AHI1: variants seen among roughly 807,000 people sequenced by gnomAD.
AHI1 encodes jouberin.
AHI1 carries 123 observed loss-of-function variants against 149.3 expected under a neutral mutation model. That is an observed-to-expected ratio of 0.82 (90% CI 0.71 to 0.96). AHI1 has a LOEUF of 0.96. AHI1 is among the 40% of genes least tolerant of loss of function. AHI1 has a pLI of 0.00. For missense variants in AHI1, 1,439 were observed against 1,422.7 expected (o/e 1.01, Z -0.18); for synonymous variants, 475 against 459.8 (o/e 1.03, Z -0.42).
At chr6:135,428,031 C>A (rs1784146178) in intron 19 of AHI1, among the ~76,000 whole-genome samples, 1 of 151,266 alleles carries the variant, frequency 6.6e-6, no homozygotes, top group Non-Finnish European at 1.5e-5. Flanking sequence ...AAATACTGTT[C>A]ATTAAAGAAA....
At chr6:135,460,325 T>C (rs536266509) in intron 8 of AHI1, among the ~76,000 whole-genome samples, 5 of 152,204 alleles carry the variant, frequency 3.3e-5, no homozygotes, top group Non-Finnish European at 7.3e-5. Context: ...CCATTTATAA[T>C]ATCATTAAGA....
In AHI1 at chr6:135,467,645, A is replaced by G; in HGVS notation, c.136-11T>C. The G allele has an allele frequency of 6.3e-7, 1 of 1,591,224 alleles. No homozygotes were observed. Among genetic ancestry groups the G allele is most frequent in the Non-Finnish European group, 8.6e-7 (1 of 1,163,758 alleles). On this transcript the variant is annotated splice_polypyrimidine_tract_variant and intron_variant, in intron 5 of 28. Coordinates refer to ENST00000265602, the MANE Select transcript of AHI1 (RefSeq NM_001134831.2). ...TCTAATAGTGTCAGGCTAAAAAGGA[A>G]GACATAATAAAGTTTCAGCTAAGCG...
intron 24 of AHI1, among the ~76,000 whole-genome samples, chr6:135,349,829 T>A (rs1791803557): frequency 6.6e-6 from 1 of 152,172 alleles, no homozygotes; most frequent in East Asian, 1.9e-4. Context: ...TCAACTTTTG[T>A]CATTCTAGCA....
intron 15 of AHI1, among the ~76,000 whole-genome samples, chr6:135,433,937 C>G (rs1004217460): frequency 6.6e-6 from 1 of 151,972 alleles, no homozygotes; most frequent in East Asian, 1.9e-4. Flanking sequence ...ATTATCACTG[C>G]TACAGTCTTG....
chr6:135,288,520 A>T (rs1781955038), intron 28 of AHI1, among the ~76,000 whole-genome samples: 1 of 152,072 alleles, frequency 6.6e-6, no homozygotes, highest in African/African-American at 2.4e-5. Flanking sequence ...GAAGAAAAAA[A>T]TTACCATAAT....
chr6:135,344,546 T>G (rs983576210), intron 24 of AHI1, among the ~76,000 whole-genome samples: 1 of 152,026 alleles, frequency 6.6e-6, no homozygotes, highest in African/African-American at 2.4e-5. Flanking sequence ...AATGATGTTT[T>G]CTGCAGAATG....
intron 26 of AHI1, among the ~76,000 whole-genome samples, chr6:135,309,606 C>T (rs1784919963): frequency 2.0e-5 from 3 of 151,852 alleles, no homozygotes; most frequent in Admixed American, 6.6e-5. Flanking sequence ...CCTCAGCCTC[C>T]GAGTAGCTGG....
chr6:135,393,898 G>T (rs1374015818), intron 23 of AHI1, among the ~76,000 whole-genome samples: 2 of 152,010 alleles, frequency 1.3e-5, no homozygotes, highest in East Asian at 1.9e-4. Context: ...AGCCAGGGTT[G>T]AGCATAAGAG....
At chr6:135,310,841 T>A (rs1299880589) in intron 26 of AHI1, among the ~76,000 whole-genome samples, 1 of 152,102 alleles carries the variant, frequency 6.6e-6, no homozygotes, top group Non-Finnish European at 1.5e-5. Flanking sequence ...GTTGAAACAC[T>A]AATAGAAGGT....
chr6:135,367,482 G>A (rs1326378364), intron 23 of AHI1, among the ~76,000 whole-genome samples: 1 of 151,822 alleles, frequency 6.6e-6, no homozygotes, highest in Non-Finnish European at 1.5e-5. Context: ...TCTTCTTCCA[G>A]GAACACCAAT....
At chr6:135,317,676 C>T (rs1280597544) in intron 26 of AHI1, among the ~76,000 whole-genome samples, 1 of 152,150 alleles carries the variant, frequency 6.6e-6, no homozygotes, top group Non-Finnish European at 1.5e-5. Flanking sequence ...ACTCCTGAAA[C>T]TCCTGTTTCA....
chr6:135,477,231 G>A lies in AHI1; in HGVS notation c.136-9597C>T, dbSNP rs572038836. 5.9e-5 allele frequency among the ~76,000 whole-genome samples: 9 copies of A among 151,878 alleles called. No individual in the cohort carries two copies. In the East Asian group the frequency reaches 1.4e-3, roughly 23 times the overall value. On this transcript the variant is annotated intron_variant, in intron 5 of 28. Transcript: ENST00000265602. ...AATTTTTTGTATTTTTAGTAGAGAC[G>A]GGGTTTCACTGTGTTAGCCAGGATG...
intron 5 of AHI1, among the ~76,000 whole-genome samples, chr6:135,481,947 T>G (rs1793719462): frequency 6.6e-6 from 1 of 151,884 alleles, no homozygotes; most frequent in Admixed American, 6.5e-5. Flanking sequence ...ATGAGAAGTC[T>G]GCTGTCATTA....
chr6:135,430,383 T>G (rs1199557302), intron 17 of AHI1, among the ~76,000 whole-genome samples: 2 of 151,940 alleles, frequency 1.3e-5, no homozygotes, highest in Admixed American at 1.3e-4. Context: ...GAAATAATTT[T>G]CAAGTTTCTA....
chr6:135,314,358 C>T (rs1276233415), intron 26 of AHI1, among the ~76,000 whole-genome samples: 1 of 152,164 alleles, frequency 6.6e-6, no homozygotes, highest in East Asian at 1.9e-4. Flanking sequence ...TTCACCAGAC[C>T]CTGGATCTGC....
chr6:135,475,834 G>A (rs1446169260), intron 5 of AHI1, among the ~76,000 whole-genome samples: 9 of 152,140 alleles, frequency 5.9e-5, no homozygotes, highest in Non-Finnish European at 1.2e-4. Flanking sequence ...GGGTATAACA[G>A]CTTTTGAGTC....
At chr6:135,448,877 T>C (rs1379017698) in intron 11 of AHI1, among the ~76,000 whole-genome samples, 3 of 152,220 alleles carry the variant, frequency 2.0e-5, no homozygotes, top group African/African-American at 7.2e-5. Context: ...GTATTTTTAA[T>C]GGTTAAAATT....
Position 135,434,705 on chromosome 6 carries a change from G to GA in AHI1, c.2037-1450dup, listed in dbSNP as rs551134905. Among the ~76,000 whole-genome samples the GA allele has an allele frequency of 1.5e-4, 23 of 151,656 alleles. No homozygotes were observed. The South Asian group carries it at 3.5e-3, about 23-fold the overall frequency. ...AAATAAATATATAAATGGGTTTGGGGAAAAAAAATCAGACCAGATCATAGA... is the reference window on the plus strand; with the variant it reads ...AAATAAATATATAAATGGGTTTGGGGAAAAAAAAATCAGACCAGATCATAGA... On this transcript the variant is annotated intron_variant, in intron 15 of 28. Coordinates refer to ENST00000265602, the MANE Select transcript of AHI1 (RefSeq NM_001134831.2).
In AHI1 at chr6:135,365,655, T is replaced by C. The variant is rs149359462; in HGVS notation, c.3110-7468A>G. Among the ~76,000 whole-genome samples, 37 of 152,320 alleles carry C rather than the reference T, an allele frequency of 2.4e-4. No individual in the cohort carries two copies. The East Asian group carries it at 6.9e-3, about 29-fold the overall frequency. ...TAGCAGTGCTACTGATTTGTGTACA[T>C]TGATTTTGCATCCAGAAACTCTACT... On this transcript the variant is annotated intron_variant, in intron 23 of 28. Transcript: ENST00000265602.
Sources: allele counts gnomAD v4.1 joint callset (sites outside exome capture counted in the v4.1 genomes callset), GRCh38; gene constraint gnomAD v4.1.1; transcripts MANE v1.5; gene names NCBI Gene and HGNC (gene_info 2026-07-23, HGNC 2026-07-21).